The following NR2F1 variants were observed in gnomAD, a reference collection of about 807,000 sequenced individuals.
The protein encoded by NR2F1 is COUP transcription factor 1.
A neutral mutation model predicts 37.7 loss-of-function variants in NR2F1; 1 was observed. That is an observed-to-expected ratio of 0.03 (90% CI 0.01 to 0.13). The LOEUF (loss-of-function observed/expected upper bound fraction) is 0.13, where lower values mean the gene tolerates loss of function less well. Ranked by LOEUF, NR2F1 falls within the 10% of genes least tolerant of loss-of-function variation. NR2F1 has a pLI of 1.00. For missense variants in NR2F1, 268 were observed against 578.4 expected, an observed-to-expected ratio of 0.46 and a Z score of 5.50; for synonymous variants, 275 against 259.6, an observed-to-expected ratio of 1.06 and a Z score of -0.57.
In NR2F1 at chr5:93,593,966, G is replaced by A; in HGVS notation, c.*124G>A. ...GGCCAGGCAGGCTGGGTGGGAGGGA[G>A]GAGGGCCGAGACAGGAGCAGCCCAC... On this transcript the variant is annotated 3_prime_UTR_variant, in exon 3 of 3. Transcript: ENST00000327111. The surrounding 1 kb of genome is among the most constrained non-coding windows in gnomAD (Gnocchi z 5.6). The A allele has an allele frequency of 1.1e-6, 1 of 870,334 alleles. No homozygotes were observed. The highest frequency in any genetic ancestry group is 1.7e-5 in the South Asian group (1 of 60,312). 53.9% of individuals were successfully genotyped at this position (870,334 alleles called of 1,614,324 possible).
Position 93,583,795 on chromosome 5 carries a change from CTTTTCCT to C in NR2F1, c.-1217_-1211del, listed in dbSNP as rs1366181776. On this transcript the variant is annotated 5_prime_UTR_variant, in exon 1 of 3. It introduces an in-frame stop codon into an upstream open reading frame of the 5' UTR. Coordinates refer to ENST00000327111, the MANE Select transcript of NR2F1 (RefSeq NM_005654.6). ...CGACCTACTTTGGATGTCTCTCTCG[CTTTTCCT>C]TTTTCCTTTTTTTGGCAATTATTTT... 3 of 152,158 alleles carry C rather than the reference CTTTTCCT, an allele frequency of 2.0e-5. No individual in the cohort carries two copies. The highest frequency in any genetic ancestry group is 4.8e-5 in the African/African-American group (2 of 41,406). The allele number at this position is 152,158 out of a possible 1,614,324, so 9.4% of individuals were successfully genotyped here. A position where few individuals can be genotyped will look rare whatever the true frequency, so the allele number is the denominator to read the frequency against.
At chr5:93,588,776 T>C (rs903273104) in intron 2 of NR2F1, among the ~76,000 whole-genome samples, 2 of 148,814 alleles carry the variant, frequency 1.3e-5, no homozygotes, top group African/African-American at 4.9e-5. Context: ...TCCGTCTGGC[T>C]GCGCGCGCGC....
Position 93,594,122 on chromosome 5 carries a change from A to G in NR2F1, c.*280A>G. On this transcript the variant is annotated 3_prime_UTR_variant, in exon 3 of 3. Transcript: ENST00000327111. ...AACCTTGTGTCTGTCTGGTGAAAAA[A>G]AGAAAAACAAATTGGAAGAGAGGAC... 1 of 400,864 alleles carries G rather than the reference A, an allele frequency of 2.5e-6. No homozygotes were observed. The highest frequency in any genetic ancestry group is 4.4e-6 in the Non-Finnish European group (1 of 224,780). 24.8% of individuals were successfully genotyped at this position (400,864 alleles called of 1,614,324 possible). A position where few individuals can be genotyped will look rare whatever the true frequency, so the allele number is the denominator to read the frequency against.
At position 93,584,502 on chromosome 5, in the gene NR2F1, C is replaced by A. The variant is rs1256884511; in HGVS notation, c.-522C>A. ...GGGCGAGTGTGTGCGCGCGCCGTGGCCCATGCCCGCCGCCCCCGGCGCTGC... is the reference window on the plus strand; with the variant it reads ...GGGCGAGTGTGTGCGCGCGCCGTGGACCATGCCCGCCGCCCCCGGCGCTGC... On this transcript the variant is annotated 5_prime_UTR_variant, in exon 1 of 3. Transcript: ENST00000327111. 1 of 148,928 alleles carries A rather than the reference C, an allele frequency of 6.7e-6. No homozygotes were observed. The highest frequency in any genetic ancestry group is 2.0e-4 in the East Asian group (1 of 5,018). 9.2% of individuals were successfully genotyped at this position (148,928 alleles called of 1,614,324 possible).
chr5:93,590,918 C>T (rs894620363), intron 2 of NR2F1, among the ~76,000 whole-genome samples: 1 of 152,188 alleles, frequency 6.6e-6, no homozygotes, highest in African/African-American at 2.4e-5. Context: ...GTTCATACAC[C>T]TAAATATTCC....
At chr5:93,592,090 C>T (rs997614725) in intron 2 of NR2F1, 4 of 152,184 alleles carry the variant, frequency 2.6e-5, no homozygotes, top group South Asian at 2.1e-4. Context: ...TATTTTTGCT[C>T]GAGGCCATAG....
chr5:93,587,969 A>G lies in NR2F1; in HGVS notation c.516A>G (p.Ala172=), dbSNP rs1753261344. The G allele has an allele frequency of 6.2e-7, 1 of 1,610,970 alleles. No individual in the cohort carries two copies. The highest frequency in any genetic ancestry group is 1.1e-5 in the South Asian group (1 of 90,594). Reference sequence around the variant, plus strand: ...CCCAGCCCAATCCAGGCCAGTACGCACTCACCAACGGGGACCCCCTCAACG... The same window carrying G: ...CCCAGCCCAATCCAGGCCAGTACGCGCTCACCAACGGGGACCCCCTCAACG... ...PPTQPNPGQY[A]LTNGDPLNGH... The change falls in exon 2 of 3, where the codon GCA becomes GCG. Residue 172 remains alanine, a synonymous_variant. Coordinates refer to ENST00000327111, the MANE Select transcript of NR2F1 (RefSeq NM_005654.6).
At position 93,588,191 on chromosome 5, in the gene NR2F1, C is replaced by G. The variant is rs916298801; in HGVS notation, c.738C>G (p.Thr246=). The change falls in exon 2 of 3, where the codon ACC becomes ACG. Residue 246 remains threonine (T), a synonymous_variant. Transcript: ENST00000327111. ...CCTTCTTCCCGGATCTGCAGATCAC[C>G]GACCAGGTGTCCCTGCTACGCCTCA... ...NIPFFPDLQI[T]DQVSLLRLTW... The G allele has an allele frequency of 6.8e-6, 11 of 1,614,128 alleles. No homozygotes were observed. Among genetic ancestry groups the G allele is most frequent in the Non-Finnish European group, 8.5e-6 (10 of 1,180,002 alleles).
At position 93,593,155 on chromosome 5, in the gene NR2F1, A is replaced by G. The variant is rs940354498; in HGVS notation, c.992-407A>G. Among the ~76,000 whole-genome samples, 1 of 152,196 alleles carries G rather than the reference A, an allele frequency of 6.6e-6. No individual in the cohort carries two copies. ...ATCAGAGGCAAATGGGGCAAAAGTT[A>G]ATGAGCACGGCCAGAAAGATGCTCC... On this transcript the variant is annotated intron_variant, in intron 2 of 2. Coordinates refer to ENST00000327111, the MANE Select transcript of NR2F1 (RefSeq NM_005654.6). This position sits in a 1 kb window ranked among gnomAD's most constrained non-coding sequence, Gnocchi z 5.6.
rs751140216 is a variant in NR2F1 at position 93,593,636 on chromosome 5, G to A, written c.1066G>A (p.Val356Met). The A allele has an allele frequency of 5.6e-6, 9 of 1,613,956 alleles. No homozygotes were observed. Among genetic ancestry groups the A allele is most frequent in the East Asian group, 2.2e-5 (1 of 44,878 alleles). ...GTCGCAGTGCGCACTGGAGGAGTACGTGAGGAGCCAGTACCCCAACCAGCC... is the reference window on the plus strand; with the variant it reads ...GTCGCAGTGCGCACTGGAGGAGTACATGAGGAGCCAGTACCCCAACCAGCC... ...EKSQCALEEY[V>M]RSQYPNQPSR... Residue 356 changes from valine to methionine, a missense_variant, in exon 3 of 3, where the codon GTG becomes ATG. Physicochemically the swap from Val to Met is conservative, Grantham distance 21. Transcript: ENST00000327111. The surrounding 1 kb of genome is among the most constrained non-coding windows in gnomAD (Gnocchi z 5.6).
Position 93,585,043 on chromosome 5 carries a change from G to A in NR2F1, c.20G>A (p.Ser7Asn), listed in dbSNP as rs1753203799. 2.9e-6 allele frequency: 3 copies of A among 1,033,860 alleles called. No individual in the cohort carries two copies. The Admixed American group carries it at 1.5e-4, about 51-fold the overall frequency. 64.0% of individuals were successfully genotyped at this position (1,033,860 alleles called of 1,614,324 possible). ...AAAGATATGGCAATGGTAGTTAGCA[G>A]CTGGCGAGATCCGCAGGACGACGTG... is the stretch of plus-strand genomic sequence containing the variant. MAMVVS[S>N]WRDPQDDVAG... The change falls in exon 1 of 3, where the codon AGC becomes AAC. Residue 7 changes from serine to asparagine, a missense_variant. Ser to Asn is a conservative substitution (Grantham distance 46). Around this residue, in one of 5 missense-constraint regions of NR2F1, gnomAD observed 90 missense variants for 106.5 expected, o/e 0.85. Transcript: ENST00000327111.
rs1200298396 is a variant in NR2F1 at position 93,588,551 on chromosome 5, G to T, written c.991+107G>T. 1.1e-5 allele frequency: 8 copies of T among 745,400 alleles called. No individual in the cohort carries two copies. The East Asian group carries it at 8.1e-4, about 75-fold the overall frequency. 46.2% of individuals were successfully genotyped at this position (745,400 alleles called of 1,614,324 possible). A position where few individuals can be genotyped will look rare whatever the true frequency, so the allele number is the denominator to read the frequency against. On this transcript the variant is annotated intron_variant, in intron 2 of 2. Coordinates refer to ENST00000327111, the MANE Select transcript of NR2F1 (RefSeq NM_005654.6). Reference sequence around the variant, plus strand: ...CTCCCGCGCGGCCGGTGCGGGGCGGGCCGGGCCCTCGCTGGACACTGAGCC... The same window carrying T: ...CTCCCGCGCGGCCGGTGCGGGGCGGTCCGGGCCCTCGCTGGACACTGAGCC...
chr5:93,589,236 T>A (rs1235179621), intron 2 of NR2F1, among the ~76,000 whole-genome samples: 1 of 152,194 alleles, frequency 6.6e-6, no homozygotes, highest in African/African-American at 2.4e-5. Flanking sequence ...CCTTAAAAAA[T>A]ATCAAATTAT....
Position 93,594,048 on chromosome 5 carries a change from C to T in NR2F1, c.*206C>T. ...TGGGAAAAAGAGACTCTTTTAGGAT[C>T]AGATCTGTGAGCACGTTGGCGAGGA... On this transcript the variant is annotated 3_prime_UTR_variant, in exon 3 of 3. Coordinates refer to ENST00000327111, the MANE Select transcript of NR2F1 (RefSeq NM_005654.6). 2.0e-6 allele frequency: 1 copy of T among 510,584 alleles called. No individual in the cohort carries two copies. Among genetic ancestry groups the T allele is most frequent in the Non-Finnish European group, 3.4e-6 (1 of 292,128 alleles). The allele number at this position is 510,584 out of a possible 1,614,324, so 31.6% of individuals were successfully genotyped here.
At chr5:93,589,488 G>A (rs1416802402) in intron 2 of NR2F1, among the ~76,000 whole-genome samples, 6 of 152,274 alleles carry the variant, frequency 3.9e-5, no homozygotes, top group Admixed American at 1.3e-4. Context: ...GTGCTGCTTA[G>A]ACTGGGTCTT....
intron 1 of NR2F1, chr5:93,587,688 G>T: frequency 1.8e-6 from 1 of 541,314 alleles, no homozygotes; most frequent in Non-Finnish European, 3.2e-6. Context: ...CGGCGGGGCT[G>T]ACGTGGCCAG....
At chr5:93,585,747 C>G in intron 1 of NR2F1, 1 of 518,214 alleles carries the variant, frequency 1.9e-6, no homozygotes, top group South Asian at 2.2e-5. Context: ...GATTGTGTCC[C>G]TGAGATCGTG....
At chr5:93,585,595 C>G in intron 1 of NR2F1, 109 bp downstream of exon 1, 1 of 858,450 alleles carries the variant, frequency 1.2e-6, no homozygotes, top group Non-Finnish European at 1.8e-6. Context: ...CCTGTGGTCC[C>G]GGCCCGTCCC....
At position 93,588,155 on chromosome 5, in the gene NR2F1, C is replaced by G; in HGVS notation, c.702C>G (p.Ala234=). 1.9e-6 allele frequency: 3 copies of G among 1,614,086 alleles called. No individual in the cohort carries two copies. The highest frequency in any genetic ancestry group is 1.7e-6 in the Non-Finnish European group (2 of 1,179,996). The change falls in exon 2 of 3, where the codon GCC becomes GCG. Residue 234 remains alanine, a synonymous_variant. Coordinates refer to ENST00000327111, the MANE Select transcript of NR2F1 (RefSeq NM_005654.6). ...TGCTCTTCAGCGCCGTCGAGTGGGC[C>G]CGCAACATCCCCTTCTTCCCGGATC... ...ARLLFSAVEW[A]RNIPFFPDLQ... is the part of the protein sequence containing the mutation.
Sources: gnomAD v4.1 joint callset for allele counts (sites outside exome capture counted in the v4.1 genomes callset) on GRCh38, gnomAD v4.1.1 for gene constraint, gnomAD v4.1.1 regional missense constraint, Gnocchi (gnomAD v3.1) non-coding constraint, MANE v1.5 for transcripts, NCBI Gene and HGNC (gene_info 2026-07-23, HGNC 2026-07-21) for gene names.